PRKCA: variants seen among roughly 807,000 people sequenced by gnomAD.
PRKCA encodes the protein protein kinase C alpha.
A neutral mutation model predicts 87.0 loss-of-function variants in PRKCA; 27 were observed. The observed-to-expected ratio is 0.31, with a 90% confidence interval of 0.23 to 0.43. The LOEUF (loss-of-function observed/expected upper bound fraction) is 0.43, where lower values mean the gene tolerates loss of function less well. Among genes scored for constraint, PRKCA ranks in the 20% least tolerant of loss-of-function variants. The pLI is 1.00. For missense variants in PRKCA, 518 were observed against 852.3 expected (o/e 0.61, Z 4.88); for synonymous variants, 329 against 311.1 (o/e 1.06, Z -0.61).
At chr17:66,325,194 G>A (rs1567772436) in intron 2 of PRKCA, among the ~76,000 whole-genome samples, 1 of 152,228 alleles carries the variant, frequency 6.6e-6, no homozygotes, top group Non-Finnish European at 1.5e-5. Flanking sequence ...TTGGCCTTAG[G>A]CCAGAATTGA....
At chr17:66,410,627 G>T (rs548976670) in intron 2 of PRKCA, among the ~76,000 whole-genome samples, 2 of 152,122 alleles carry the variant, frequency 1.3e-5, no homozygotes, top group Non-Finnish European at 2.9e-5. Context: ...TCAGGCTGGA[G>T]TGTGGTGGCG....
intron 3 of PRKCA, among the ~76,000 whole-genome samples, chr17:66,587,887 G>GTATATATATATA (rs1371398205): frequency 2.0e-5 from 2 of 99,012 alleles, no homozygotes; most frequent in African/African-American, 4.8e-5. Context: ...GTGTGTGTGT[G>GTATATATATATA]TGTGTGTGTA....
intron 2 of PRKCA, among the ~76,000 whole-genome samples, chr17:66,401,885 A>T (rs112199963): frequency 2.5e-3 from 388 of 152,322 alleles, no homozygotes; most frequent in Middle Eastern, 0.01. Flanking sequence ...TGTCTGTAGA[A>T]GACACAAATG....
intron 5 of PRKCA, among the ~76,000 whole-genome samples, chr17:66,668,020 C>G (rs1412102655): frequency 1.3e-5 from 2 of 152,170 alleles, no homozygotes; most frequent in Admixed American, 1.3e-4. Context: ...GCCCAGTGGT[C>G]AAGTGTTAAG....
intron 3 of PRKCA, among the ~76,000 whole-genome samples, chr17:66,585,789 G>A (rs1275970578): frequency 1.3e-5 from 2 of 152,256 alleles, no homozygotes; most frequent in Non-Finnish European, 2.9e-5. Context: ...CCTGTCTTGT[G>A]TAAAGTGAAG....
chr17:66,365,808 C>T (rs911080570), intron 2 of PRKCA, among the ~76,000 whole-genome samples: 6 of 152,136 alleles, frequency 3.9e-5, no homozygotes, highest in Non-Finnish European at 8.8e-5. Flanking sequence ...GCCAAAGGCT[C>T]ACATAAATGA....
chr17:66,361,803 T>C lies in PRKCA; in HGVS notation c.205+55676T>C, dbSNP rs149800960. On this transcript the variant is annotated intron_variant, in intron 2 of 16. Transcript: ENST00000413366. ...AATGTAGTAATATAGATAATAAAATTGTTAGTGGTTAATATTTCCTGAACA... is the reference window on the plus strand; with the variant it reads ...AATGTAGTAATATAGATAATAAAATCGTTAGTGGTTAATATTTCCTGAACA... Among the ~76,000 whole-genome samples the C allele has an allele frequency of 1.4e-3, 217 of 152,322 alleles. 2 individuals carry two copies. Among genetic ancestry groups the C allele is most frequent in the East Asian group, 5.0e-3 (26 of 5,190 alleles).
At chr17:66,534,667 A>G (rs570985078) in intron 3 of PRKCA, among the ~76,000 whole-genome samples, 43 of 152,164 alleles carry the variant, frequency 2.8e-4, no homozygotes, top group Non-Finnish European at 5.4e-4. Context: ...ACTCTGTCTC[A>G]AAAAAGAAAA....
intron 2 of PRKCA, among the ~76,000 whole-genome samples, chr17:66,476,530 G>T (rs1915543728): frequency 6.6e-6 from 1 of 152,218 alleles, no homozygotes; most frequent in African/African-American, 2.4e-5. Flanking sequence ...GAGGGCCGGG[G>T]AAGAAGGTTA....
intron 2 of PRKCA, among the ~76,000 whole-genome samples, chr17:66,354,926 G>A (rs2143445601): frequency 6.6e-6 from 1 of 152,138 alleles, no homozygotes; most frequent in African/African-American, 2.4e-5. Context: ...GTTATTGATG[G>A]TTATTTTCTA....
At chr17:66,437,735 C>CGG (rs1233106338) in intron 2 of PRKCA, among the ~76,000 whole-genome samples, 9 of 5,588 alleles carry the variant, frequency 1.6e-3, no homozygotes, top group Non-Finnish European at 2.4e-3. Flanking sequence ...TTTTTTTGAG[C>CGG]GGGGGGTGGG....
chr17:66,747,438 C>T (rs1032942570), intron 13 of PRKCA, among the ~76,000 whole-genome samples: 3 of 152,140 alleles, frequency 2.0e-5, no homozygotes, highest in South Asian at 2.1e-4. Context: ...GCGGGGGCTA[C>T]GTTAGACCAC....
At chr17:66,320,249 G>A (rs1031263675) in intron 2 of PRKCA, among the ~76,000 whole-genome samples, 5 of 152,068 alleles carry the variant, frequency 3.3e-5, no homozygotes, top group African/African-American at 1.2e-4. Flanking sequence ...CCAGAGAGTG[G>A]CCACTTAAGT....
At chr17:66,798,416 G>GTGGTGATGGTGA (rs1975730660) in intron 16 of PRKCA, among the ~76,000 whole-genome samples, 4 of 98,704 alleles carry the variant, frequency 4.1e-5, no homozygotes, top group Non-Finnish European at 8.8e-5. Context: ...GATGGTGATG[G>GTGGTGATGGTGA]TGGTGGTGGT....
Position 66,810,712 on chromosome 17 carries a change from C to T in PRKCA, c.*6675C>T, listed in dbSNP as rs1976145420. 1 of 152,018 alleles carries T rather than the reference C, an allele frequency of 6.6e-6. No homozygotes were observed. The highest frequency in any genetic ancestry group is 2.4e-5 in the African/African-American group (1 of 41,388). 9.4% of individuals were successfully genotyped at this position (152,018 alleles called of 1,614,324 possible). ...AGAAACATTAATTGTAGTTTGGAAGCAAGTGTGTATGAATAAAGATAATGA... is the reference window on the plus strand; with the variant it reads ...AGAAACATTAATTGTAGTTTGGAAGTAAGTGTGTATGAATAAAGATAATGA... On this transcript the variant is annotated 3_prime_UTR_variant, in exon 17 of 17. Transcript: ENST00000413366.
intron 2 of PRKCA, among the ~76,000 whole-genome samples, chr17:66,325,435 A>G (rs1186168176): frequency 1.3e-5 from 2 of 152,090 alleles, no homozygotes; most frequent in African/African-American, 2.4e-5. Flanking sequence ...CCAAGTAGTC[A>G]CTCTGTTGCC....
chr17:66,795,860 A>G (rs189323207), intron 16 of PRKCA, among the ~76,000 whole-genome samples: 231 of 152,348 alleles, frequency 1.5e-3, no homozygotes, highest in African/African-American at 5.4e-3. Context: ...ATAAGCCAGA[A>G]CCTTCACCCT....
At position 66,331,305 on chromosome 17, in the gene PRKCA, C is replaced by A. The variant is rs577659028; in HGVS notation, c.205+25178C>A. On this transcript the variant is annotated intron_variant, in intron 2 of 16. Coordinates refer to ENST00000413366, the MANE Select transcript of PRKCA (RefSeq NM_002737.3). ...CTTCTGTGTTTAAGTATAAACAGAACCCCTTTGTACCTCTCATCTCTTTAT... is the reference window on the plus strand; with the variant it reads ...CTTCTGTGTTTAAGTATAAACAGAAACCCTTTGTACCTCTCATCTCTTTAT... Among the ~76,000 whole-genome samples, 4 of 152,298 alleles carry A rather than the reference C, an allele frequency of 2.6e-5. No homozygotes were observed. In the South Asian group the frequency reaches 8.3e-4, roughly 32 times the overall value.
At chr17:66,590,947 A>G (rs192600580) in intron 3 of PRKCA, among the ~76,000 whole-genome samples, 213 of 152,058 alleles carry the variant, frequency 1.4e-3, no homozygotes, top group African/African-American at 4.9e-3. Context: ...TAAAATCCTC[A>G]GCTGAACATC....
Sources: gnomAD v4.1 joint callset for allele counts (sites outside exome capture counted in the v4.1 genomes callset) on GRCh38, gnomAD v4.1.1 for gene constraint, MANE v1.5 for transcripts, NCBI Gene and HGNC (gene_info 2026-07-23, HGNC 2026-07-21) for gene names.